Variants in HMCN2 observed in about 807,000 individuals in gnomAD.
HMCN2 encodes hemicentin-2.
Under a neutral mutation model 377.5 loss-of-function variants are expected in HMCN2, and 325 were observed. That is an observed-to-expected ratio of 0.86 (90% CI 0.79 to 0.94). The LOEUF (loss-of-function observed/expected upper bound fraction) is 0.94. Ranked by LOEUF, HMCN2 falls within the 40% of genes least tolerant of loss-of-function variation. HMCN2 has a pLI of 0.00. For synonymous variants in HMCN2, 2,007 were observed against 2,046.8 expected, an observed-to-expected ratio of 0.98 and a Z score of 0.53; for missense variants, 4,543 against 4,725.3, an observed-to-expected ratio of 0.96 and a Z score of 1.13.
chr9:130,407,943 C>T (rs1295541739), intron 83 of HMCN2, among the ~76,000 whole-genome samples: 3 of 152,200 alleles, frequency 2.0e-5, no homozygotes, highest in African/African-American at 7.2e-5. Flanking sequence ...ACTCCCAAGA[C>T]GACCCTGGCT....
At position 130,299,108 on chromosome 9, in the gene HMCN2, G is replaced by A. The variant is rs782765580; in HGVS notation, c.1096G>A (p.Gly366Arg). The change falls in exon 8 of 98, where the codon GGG becomes AGG. Residue 366 changes from glycine (G) to arginine (R), a missense_variant. Physicochemically the swap from Gly to Arg is moderately radical, Grantham distance 125. Coordinates refer to ENST00000683500, the MANE Select transcript of HMCN2 (RefSeq NM_001291815.2). ...LDSVELAQSS[G>R]KPLLTLPTKP... is the part of the protein sequence containing the mutation. Reference sequence around the variant, plus strand: ...CTCGGTGGAGCTGGCACAAAGCTCAGGGAAGCCCCTCCTGACTCTGCCCAC... The same window carrying A: ...CTCGGTGGAGCTGGCACAAAGCTCAAGGAAGCCCCTCCTGACTCTGCCCAC... 6.4e-5 allele frequency: 30 copies of A among 471,036 alleles called. No homozygotes were observed. Among genetic ancestry groups the A allele is most frequent in the Admixed American group, 4.0e-4 (17 of 42,560 alleles). The allele number at this position is 471,036 out of a possible 1,614,324, so 29.2% of individuals were successfully genotyped here.
intron 22 of HMCN2, among the ~76,000 whole-genome samples, chr9:130,332,820 T>A (rs1838496454): frequency 6.6e-6 from 1 of 152,220 alleles, no homozygotes; most frequent in Admixed American, 6.5e-5. Flanking sequence ...AGTGGGCATC[T>A]GTTGAGTGTT....
intron 4 of HMCN2, among the ~76,000 whole-genome samples, chr9:130,293,889 G>C (rs1453671443): frequency 1.3e-5 from 2 of 152,162 alleles, no homozygotes; most frequent in Non-Finnish European, 2.9e-5. Context: ...ATTAGAGAGG[G>C]CTCTTCAAGC....
chr9:130,395,829 C>T (rs1842580434), intron 71 of HMCN2, 95 bp from the exon 72 acceptor site: 1 of 1,190,870 alleles, frequency 8.4e-7, no homozygotes, highest in African/African-American at 1.6e-5. Context: ...CACTGTCCAG[C>T]TTCACCAGTT....
rs773509084 is a variant in HMCN2, at chr9:130,353,095, G to T, written c.4754G>T (p.Gly1585Val). 2.3e-6 allele frequency: 3 copies of T among 1,304,254 alleles called. No homozygotes were observed. The South Asian group carries it at 3.7e-5, about 16-fold the overall frequency. 80.8% of individuals were successfully genotyped at this position (1,304,254 alleles called of 1,614,324 possible). Residue 1585 changes from glycine to valine, a missense_variant, in exon 31 of 98, where the codon GGT becomes GTT. By Grantham distance (109) the Gly-to-Val change is moderately radical. Coordinates refer to ENST00000683500, the MANE Select transcript of HMCN2 (RefSeq NM_001291815.2). ...ACCAAGGTGGTCTACACTAGGGGCG[G>T]TCGGCAGTTGCAGCTGGGGAGGGCC... ...TSTKVVYTRGGRQLQLGRAQS... is the reference protein window; with the variant it reads ...TSTKVVYTRGVRQLQLGRAQS...
chr9:130,390,855 GA>G, intron 62 of HMCN2, 121 bp from the exon 63 acceptor site: 5 of 592,178 alleles, frequency 8.4e-6, no homozygotes, highest in Non-Finnish European at 1.1e-5. Context: ...GGCTTCTAAG[GA>G]ACAGAGACTG....
Position 130,303,536 on chromosome 9 carries a change from G to A in HMCN2, c.1471G>A (p.Glu491Lys), listed in dbSNP as rs1836646207. Residue 491 changes from glutamate to lysine, a missense_variant, in exon 10 of 98, where the codon GAG becomes AAG. Glu to Lys is a moderately conservative substitution (Grantham distance 56, BLOSUM62 1). Coordinates refer to ENST00000683500, the MANE Select transcript of HMCN2 (RefSeq NM_001291815.2). This position sits in a 1 kb window ranked among gnomAD's most constrained non-coding sequence, Gnocchi z 5.2. Reference protein sequence around the residue: ...WEILRASKAEEGTYECTAVSR... With the variant: ...WEILRASKAEKGTYECTAVSR... ...GATCCTGCGGGCCTCCAAGGCCGAG[G>A]AGGGCACGTACGAGTGCACAGCCGT... 2 of 435,984 alleles carry A rather than the reference G, an allele frequency of 4.6e-6. No homozygotes were observed. The highest frequency in any genetic ancestry group is 3.3e-5 in the South Asian group (2 of 59,710). The allele number at this position is 435,984 out of a possible 1,614,324, so 27.0% of individuals were successfully genotyped here.
Position 130,372,314 on chromosome 9 carries a change from A to T in HMCN2, c.7258A>T (p.Thr2420Ser), listed in dbSNP as rs1395869061. ...CCCAGGTGGCTGGATGCTGAAGATG[A>T]CTCAGACACAGGAGCAAGACAGTGG... ...LLAGGWMLKM[T>S]QTQEQDSGLY... The change falls in exon 47 of 98, where the codon ACT becomes TCT. Residue 2420 changes from threonine to serine, a missense_variant. This residue lies in a region of HMCN2 where 1,032 missense variants were observed against 1,285.1 expected (regional missense o/e 0.80). Coordinates refer to ENST00000683500, the MANE Select transcript of HMCN2 (RefSeq NM_001291815.2). 1 of 985,728 alleles carries T rather than the reference A, an allele frequency of 1.0e-6. No homozygotes were observed. Among genetic ancestry groups the T allele is most frequent in the East Asian group, 1.1e-4 (1 of 8,814 alleles). The allele number at this position is 985,728 out of a possible 1,614,324, so 61.1% of individuals were successfully genotyped here.
chr9:130,368,103 G>A, intron 43 of HMCN2, among the ~76,000 whole-genome samples, 173 bp from the exon 44 acceptor site: 1 of 152,026 alleles, frequency 6.6e-6, no homozygotes, highest in East Asian at 1.9e-4. Context: ...AGAGGCACCA[G>A]GACCAGAAGT....
chr9:130,294,163 T>C (rs1480034944), intron 4 of HMCN2, among the ~76,000 whole-genome samples: 4 of 152,040 alleles, frequency 2.6e-5, no homozygotes, highest in Admixed American at 2.6e-4. Context: ...CTGAGGGAGT[T>C]TGGGAACCTC....
rs1301492969 is a variant in HMCN2, at chr9:130,434,032, C to T, written c.*339C>T. On this transcript the variant is annotated 3_prime_UTR_variant, in exon 98 of 98. Transcript: ENST00000683500. ...GACGCGCGGGAGAGGGGGCAGACCC[C>T]GCGTTAGGGGTGGCAGCAGCTGTCG... 3 of 255,494 alleles carry T rather than the reference C, an allele frequency of 1.2e-5. No individual in the cohort carries two copies. Among genetic ancestry groups the T allele is most frequent in the African/African-American group, 2.2e-5 (1 of 45,016 alleles). 15.8% of individuals were successfully genotyped at this position (255,494 alleles called of 1,614,324 possible).
Position 130,384,737 on chromosome 9 carries a change from C to T in HMCN2, c.9045C>T (p.Tyr3015=), listed in dbSNP as rs1564840044. 1 of 1,303,006 alleles carries T rather than the reference C, an allele frequency of 7.7e-7. No individual in the cohort carries two copies. The highest frequency in any genetic ancestry group is 1.0e-6 in the Non-Finnish European group (1 of 988,944). The allele number at this position is 1,303,006 out of a possible 1,614,324, so 80.7% of individuals were successfully genotyped here. Residue 3015 remains tyrosine, a synonymous_variant, in exon 59 of 98, where the codon TAC becomes TAT. Coordinates refer to ENST00000683500, the MANE Select transcript of HMCN2 (RefSeq NM_001291815.2). ...CACGGCTGTCGGACTCCGGGATGTA[C>T]ACATGCGAAGCCCTCAATGCTGCCG... ...GRARLSDSGM[Y]TCEALNAAGR...
chr9:130,351,373 C>T lies in HMCN2; in HGVS notation c.4431-50C>T, dbSNP rs1839705633. On this transcript the variant is annotated intron_variant, in intron 29 of 97. Transcript: ENST00000683500. The surrounding 1 kb of genome is among the most constrained non-coding windows in gnomAD (Gnocchi z 5.4). ...CACACTCCCTGTGTGCAGCGTGTCC[C>T]ATCCAGCCCCTCGGCCTTACTGGCG... 1 of 1,266,020 alleles carries T rather than the reference C, an allele frequency of 7.9e-7. No individual in the cohort carries two copies. The highest frequency in any genetic ancestry group is 2.4e-5 in the Admixed American group (1 of 41,470). 78.4% of individuals were successfully genotyped at this position (1,266,020 alleles called of 1,614,324 possible).
At chr9:130,432,331 A>C in intron 96 of HMCN2, 98 bp from the exon 97 acceptor site, 1 of 1,119,160 alleles carries the variant, frequency 8.9e-7, no homozygotes, top group Non-Finnish European at 1.3e-6. Context: ...TGCCCACCTC[A>C]CTGGTCCCCC....
At chr9:130,420,374 C>G (rs759277783) in intron 86 of HMCN2, among the ~76,000 whole-genome samples, 1 of 152,068 alleles carries the variant, frequency 6.6e-6, no homozygotes, top group Non-Finnish European at 1.5e-5. Flanking sequence ...GCGCCCGGCC[C>G]GTCCCACTTC....
In HMCN2 at chr9:130,302,847, C is replaced by T. The variant is rs1386270593; in HGVS notation, c.1277-10C>T. ...GGGGAGACATTCTGAGTCCTGGTCC[C>T]CGCCTACAGGCGCTCCCCTCGTCAG... On this transcript the variant is annotated splice_polypyrimidine_tract_variant and intron_variant, in intron 8 of 97. Transcript: ENST00000683500. The T allele has an allele frequency of 6.5e-6, 3 of 458,686 alleles. No individual in the cohort carries two copies. Among genetic ancestry groups the T allele is most frequent in the Non-Finnish European group, 9.1e-6 (2 of 220,166 alleles). 28.4% of individuals were successfully genotyped at this position (458,686 alleles called of 1,614,324 possible).
chr9:130,410,607 AATG>A lies in HMCN2; in HGVS notation c.12918_12920del (p.Asn4306_Glu4307delinsLys). On this transcript the variant is annotated inframe_deletion, in exon 85 of 98. Transcript: ENST00000683500. ...GGGACGGTACCAGTGCCTGGCAGAG[AATG>A]AGATGGGCGTGGCGAAGAAAGTGGT... 6.4e-7 allele frequency: 1 copy of A among 1,550,582 alleles called. No homozygotes were observed. Among genetic ancestry groups the A allele is most frequent in the South Asian group, 1.2e-5 (1 of 84,060 alleles).
chr9:130,346,721 G>A (rs960020708), intron 25 of HMCN2, among the ~76,000 whole-genome samples: 14 of 152,072 alleles, frequency 9.2e-5, no homozygotes, highest in Non-Finnish European at 1.8e-4. Context: ...AAAACAAAGA[G>A]CCTGGCCCTC....
intron 15 of HMCN2, among the ~76,000 whole-genome samples, chr9:130,313,362 C>T (rs1837366138): frequency 6.6e-6 from 1 of 150,436 alleles, no homozygotes; most frequent in South Asian, 2.1e-4. Context: ...CACTTGTGGA[C>T]CAGCCTGCGA....
Sources: gnomAD v4.1 joint callset for allele counts (sites outside exome capture counted in the v4.1 genomes callset) on GRCh38, gnomAD v4.1.1 for gene constraint, gnomAD v4.1.1 regional missense constraint, Gnocchi (gnomAD v3.1) non-coding constraint, MANE v1.5 for transcripts, NCBI Gene and HGNC (gene_info 2026-07-23, HGNC 2026-07-21) for gene names.